ACOT11: variants seen among roughly 807,000 people sequenced by gnomAD.
The protein encoded by ACOT11 is acyl-coenzyme A thioesterase 11.
A neutral mutation model predicts 77.5 loss-of-function variants in ACOT11; 69 were observed. That is an observed-to-expected ratio of 0.89 (90% confidence interval 0.73 to 1.09). ACOT11 has a LOEUF of 1.09. Among genes scored for constraint, ACOT11 ranks in the 50% least tolerant of loss-of-function variants. The probability of loss-of-function intolerance (pLI) is 0.00; values close to 1 mark genes in which losing one functional copy is unlikely to be tolerated. For missense variants in ACOT11, 766 were observed against 813.7 expected (o/e 0.94, Z 0.71); for synonymous variants, 279 against 313.0 (o/e 0.89, Z 1.15).
intron 1 of ACOT11, among the ~76,000 whole-genome samples, chr1:54,573,564 C>T (rs1653994437): frequency 1.3e-5 from 2 of 152,090 alleles, no homozygotes; most frequent in Non-Finnish European, 2.9e-5. Context: ...GAAACCCCAT[C>T]TCTACTAAAA....
chr1:54,588,599 G>A (rs890697456), intron 3 of ACOT11, among the ~76,000 whole-genome samples: 3 of 152,112 alleles, frequency 2.0e-5, no homozygotes, highest in Non-Finnish European at 2.9e-5. Context: ...GGGTAGTCAA[G>A]GGGGGACTTC....
intron 3 of ACOT11, among the ~76,000 whole-genome samples, chr1:54,591,414 C>T (rs1028807079): frequency 2.6e-5 from 4 of 152,168 alleles, no homozygotes; most frequent in African/African-American, 9.7e-5. Flanking sequence ...GGAACCCAGG[C>T]CTGTGTGGCC....
rs1414495499 is a variant in ACOT11, at chr1:54,584,989, T to C, written c.241+127T>C. 3.8e-6 allele frequency: 4 copies of C among 1,050,826 alleles called. No homozygotes were observed. The highest frequency in any genetic ancestry group is 5.4e-6 in the Non-Finnish European group (4 of 735,248). The allele number at this position is 1,050,826 out of a possible 1,614,324, so 65.1% of individuals were successfully genotyped here. On this transcript the variant is annotated intron_variant, in intron 2 of 15. Coordinates refer to ENST00000343744, the MANE Select transcript of ACOT11 (RefSeq NM_147161.4). This position sits in a 1 kb window ranked among gnomAD's most constrained non-coding sequence, Gnocchi z 6.3. ...TTCTCATCTTGGCCTTTGCTCATGC[T>C]GGTCCCTTTGTCTGAAATGCCCTTC...
chr1:54,611,914 A>G (rs1354871689), downstream of ACOT11, among the ~76,000 whole-genome samples: 3 of 152,076 alleles, frequency 2.0e-5, no homozygotes, highest in Non-Finnish European at 2.9e-5. Context: ...GGCAGGAGCC[A>G]GAGGGAATTC....
At chr1:54,566,044 C>G (rs530260593) in intron 1 of ACOT11, among the ~76,000 whole-genome samples, 1 of 152,184 alleles carries the variant, frequency 6.6e-6, no homozygotes, top group African/African-American at 2.4e-5. Flanking sequence ...TCAGAGCTCA[C>G]GCACCAGCAG....
At chr1:54,562,215 A>G (rs1484507409) in intron 1 of ACOT11, among the ~76,000 whole-genome samples, 422 of 39,068 alleles carry the variant, frequency 0.011, no homozygotes, top group Admixed American at 0.012. Context: ...GGCCGGGCGG[A>G]GGGCTGACCC....
intron 1 of ACOT11, among the ~76,000 whole-genome samples, chr1:54,557,714 TG>T (rs1653312337): frequency 6.6e-6 from 1 of 152,222 alleles, no homozygotes; most frequent in Non-Finnish European, 1.5e-5. Flanking sequence ...TACTGACTTT[TG>T]TATGTTGATT....
rs1644041005 is a variant in ACOT11 at position 54,607,438 on chromosome 1, A to ACTTT, written c.1502+173_1502+174insCTTT. Among the ~76,000 whole-genome samples the ACTTT allele has an allele frequency of 6.6e-6, 1 of 152,140 alleles. No individual in the cohort carries two copies. Among genetic ancestry groups the ACTTT allele is most frequent in the African/African-American group, 2.4e-5 (1 of 41,424 alleles). On this transcript the variant is annotated intron_variant, in intron 14 of 15. Transcript: ENST00000343744. This position sits in a 1 kb window ranked among gnomAD's most constrained non-coding sequence, Gnocchi z 4.5. ...GGGCTGCTGTGGCTTTACTATGGGT[A>ACTTT]AAATGAGGGATAGGGGCACACATTT... is the stretch of plus-strand genomic sequence containing the variant.
intron 16 of ACOT11, among the ~76,000 whole-genome samples, chr1:54,631,225 G>A (rs1183559738): frequency 1.3e-5 from 2 of 152,152 alleles, no homozygotes; most frequent in Non-Finnish European, 2.9e-5. Flanking sequence ...TATTCAGGCA[G>A]GAATTCAGCA....
At chr1:54,599,580 C>T in intron 8 of ACOT11, 165 bp downstream of exon 8, 2 of 859,486 alleles carry the variant, frequency 2.3e-6, no homozygotes, top group Non-Finnish European at 3.1e-6. Context: ...TCTGATTTTC[C>T]CTTCTTGGGA....
intron 1 of ACOT11, among the ~76,000 whole-genome samples, chr1:54,554,193 CA>C (rs534129543): frequency 2.0e-4 from 27 of 137,774 alleles, no homozygotes; most frequent in Middle Eastern, 3.8e-3. Flanking sequence ...CAAAAGAAAA[CA>C]AAAAAAAAAA....
At chr1:54,570,218 T>C (rs1035684363) in intron 1 of ACOT11, among the ~76,000 whole-genome samples, 3 of 152,334 alleles carry the variant, frequency 2.0e-5, no homozygotes, top group South Asian at 2.1e-4. Flanking sequence ...GGTTAGACCA[T>C]ATGTGGGCGT....
chr1:54,567,666 T>C (rs906536141), intron 1 of ACOT11, among the ~76,000 whole-genome samples: 4 of 152,116 alleles, frequency 2.6e-5, no homozygotes, highest in African/African-American at 9.7e-5. Flanking sequence ...CCCTCTACAC[T>C]GCCCGCAGGT....
At chr1:54,592,684 G>A in intron 4 of ACOT11, 78 bp downstream of exon 4, 3 of 1,468,906 alleles carry the variant, frequency 2.0e-6, no homozygotes, top group South Asian at 1.2e-5. Context: ...TCTCCCTGCA[G>A]CCCAGGGCCA....
intron 1 of ACOT11, among the ~76,000 whole-genome samples, chr1:54,562,096 C>T (rs1569652356): frequency 3.1e-5 from 1 of 32,134 alleles, no homozygotes; most frequent in Admixed American, 2.0e-4. Flanking sequence ...GGGGGCTGAC[C>T]CCCCCAACCT....
rs557847498 is a variant in ACOT11 at position 54,574,446 on chromosome 1, C to T, written c.34-10209C>T. Among the ~76,000 whole-genome samples, 5 of 152,356 alleles carry T rather than the reference C, an allele frequency of 3.3e-5. No individual in the cohort carries two copies. The East Asian group carries it at 9.6e-4, about 29-fold the overall frequency. ...TCAGGCTTGCCCACGCTCCCCACTCCCTGCAGGCCTGACTCAGTCTCTCAG... is the reference window on the plus strand; with the variant it reads ...TCAGGCTTGCCCACGCTCCCCACTCTCTGCAGGCCTGACTCAGTCTCTCAG... On this transcript the variant is annotated intron_variant, in intron 1 of 15. Transcript: ENST00000343744.
At position 54,608,995 on chromosome 1, in the gene ACOT11, C is replaced by A. The variant is rs752014382; in HGVS notation, c.1668C>A (p.Asn556Lys). The A allele has an allele frequency of 2.5e-6, 4 of 1,614,004 alleles. No individual in the cohort carries two copies. The South Asian group carries it at 4.4e-5, about 18-fold the overall frequency. ...YYNQATPGVLNYVTTNVAGLS... is the reference protein window; with the variant it reads ...YYNQATPGVLKYVTTNVAGLS... ...ACCAGGCCACCCCAGGTGTTCTCAA[C>A]TATGTGACCACCAACGTGGCCGGCC... The change falls in exon 16 of 16, where the codon AAC becomes AAA. Residue 556 changes from asparagine to lysine, a missense_variant. Transcript: ENST00000343744.
chr1:54,561,892 G>A (rs1420635537), intron 1 of ACOT11, among the ~76,000 whole-genome samples: 8 of 86,958 alleles, frequency 9.2e-5, no homozygotes, highest in African/African-American at 4.5e-4. Context: ...CGGACGGGGC[G>A]GCTGGCTGGG....
At chr1:54,636,173 C>G (rs998932589) in exon 17 of ACOT11, 1 of 152,004 alleles carries the variant, frequency 6.6e-6, no homozygotes, top group East Asian at 1.9e-4. Context: ...TTAGGTGGAA[C>G]GAGAGACTTG....
Sources: gnomAD v4.1 joint callset for allele counts (sites outside exome capture counted in the v4.1 genomes callset) on GRCh38, gnomAD v4.1.1 for gene constraint, Gnocchi (gnomAD v3.1) non-coding constraint, MANE v1.5 for transcripts, NCBI Gene and HGNC (gene_info 2026-07-23, HGNC 2026-07-21) for gene names.